Variants in CD244 observed in about 807,000 individuals in gnomAD.
CD244 encodes the protein natural killer cell receptor 2B4.
Under a neutral mutation model 45.5 loss-of-function variants are expected in CD244, and 20 were observed. That is an observed-to-expected ratio of 0.44 (90% CI 0.31 to 0.64). CD244 has a LOEUF of 0.64. Among genes scored for constraint, CD244 ranks in the 30% least tolerant of loss-of-function variants. The pLI is 0.08. For missense variants in CD244, 407 were observed against 426.9 expected (o/e 0.95, Z 0.41); for synonymous variants, 185 against 160.5 (o/e 1.15, Z -1.15).
intron 1 of CD244, among the ~76,000 whole-genome samples, chr1:160,857,318 C>A (rs1247350824): frequency 6.6e-6 from 1 of 152,170 alleles, no homozygotes; most frequent in African/African-American, 2.4e-5. Flanking sequence ...ATATACCCAA[C>A]AGACATGCAT....
intron 1 of CD244, among the ~76,000 whole-genome samples, chr1:160,844,716 C>T (rs992173769): frequency 2.0e-5 from 3 of 152,098 alleles, no homozygotes; most frequent in Non-Finnish European, 2.9e-5. Context: ...GGCTCATGCC[C>T]GTAATTCCAG....
intron 1 of CD244, among the ~76,000 whole-genome samples, chr1:160,844,381 A>T (rs912893519): frequency 1.3e-5 from 2 of 152,214 alleles, no homozygotes; most frequent in Non-Finnish European, 2.9e-5. Context: ...TCAGCAGAGA[A>T]CTAGCGTGAT....
chr1:160,849,182 A>G (rs1356206146), intron 1 of CD244, among the ~76,000 whole-genome samples: 1 of 152,038 alleles, frequency 6.6e-6, no homozygotes, highest in South Asian at 2.1e-4. Flanking sequence ...GAAGTCTTCT[A>G]TGTTGATGAT....
chr1:160,851,447 A>G (rs1185870571), intron 1 of CD244, among the ~76,000 whole-genome samples: 1 of 152,156 alleles, frequency 6.6e-6, no homozygotes, highest in Non-Finnish European at 1.5e-5. Context: ...ACCAACACAT[A>G]CTTGATCTTT....
intron 4 of CD244, 76 bp downstream of exon 4, chr1:160,838,863 T>A: frequency 1.1e-6 from 1 of 946,186 alleles, no homozygotes; most frequent in Non-Finnish European, 1.6e-6. Context: ...CCCAGACACA[T>A]CCCACTGGAC....
At chr1:160,833,166 A>T (rs891958719) in intron 7 of CD244, among the ~76,000 whole-genome samples, 1 of 152,168 alleles carries the variant, frequency 6.6e-6, no homozygotes, top group Non-Finnish European at 1.5e-5. Context: ...AAGCAGGTGA[A>T]CATGGTGCCT....
intron 1 of CD244, among the ~76,000 whole-genome samples, chr1:160,849,669 T>C (rs950270410): frequency 3.3e-5 from 5 of 152,178 alleles, no homozygotes; most frequent in African/African-American, 1.2e-4. Context: ...ATCAACATTG[T>C]ACTGGAGGTC....
At chr1:160,849,297 T>TTTTTGTTTTATTTTAAGTTCTGGGATAC (rs1669839765) in intron 1 of CD244, among the ~76,000 whole-genome samples, 1 of 151,438 alleles carries the variant, frequency 6.6e-6, no homozygotes, top group Non-Finnish European at 1.5e-5. Context: ...TTTTTTTTTT[T>TTTTTGTTTTATTTTAAGTTCTGGGATAC]GTTTTACTTT....
intron 1 of CD244, among the ~76,000 whole-genome samples, chr1:160,853,267 C>T (rs565157338): frequency 5.9e-5 from 9 of 152,132 alleles, no homozygotes; most frequent in African/African-American, 2.2e-4. Flanking sequence ...AAGCTAGACT[C>T]CAAAAAGTAC....
chr1:160,835,339 A>G (rs186095648), intron 6 of CD244, among the ~76,000 whole-genome samples: 1 of 152,304 alleles, frequency 6.6e-6, no homozygotes, highest in Non-Finnish European at 1.5e-5. Flanking sequence ...CTACCTAGCT[A>G]TGTAGCCTTG....
intron 1 of CD244, among the ~76,000 whole-genome samples, chr1:160,846,995 G>T (rs1452128158): frequency 1.3e-5 from 2 of 151,620 alleles, no homozygotes; most frequent in East Asian, 3.9e-4. Flanking sequence ...TACAGAAAAA[G>T]AAATGAGAAG....
chr1:160,862,080 A>G (rs1670330912), intron 1 of CD244, among the ~76,000 whole-genome samples: 1 of 152,074 alleles, frequency 6.6e-6, no homozygotes, highest in Non-Finnish European at 1.5e-5. Context: ...CATGTCCCTA[A>G]TAATTTCCAG....
intron 6 of CD244, 84 bp downstream of exon 6, chr1:160,836,111 G>T: frequency 1.0e-6 from 1 of 978,114 alleles, no homozygotes; most frequent in Admixed American, 1.8e-5. Context: ...ATCTTATTCT[G>T]CCATTCAATG....
intron 1 of CD244, among the ~76,000 whole-genome samples, chr1:160,849,391 C>A (rs1441225821): frequency 6.6e-6 from 1 of 151,398 alleles, no homozygotes; most frequent in African/African-American, 2.4e-5. Flanking sequence ...CCTATCAACC[C>A]ATCATCTAGG....
intron 1 of CD244, among the ~76,000 whole-genome samples, chr1:160,851,376 A>G (rs1016550586): frequency 5.3e-5 from 8 of 152,326 alleles, no homozygotes; most frequent in African/African-American, 1.9e-4. Flanking sequence ...TAAAAATTTT[A>G]GGAATTGTAT....
chr1:160,846,588 C>T (rs1669749167), intron 1 of CD244, among the ~76,000 whole-genome samples: 1 of 152,104 alleles, frequency 6.6e-6, no homozygotes, highest in South Asian at 2.1e-4. Flanking sequence ...ATCACTTGAA[C>T]CCAGGAAGTC....
At position 160,841,882 on chromosome 1, in the gene CD244, G is replaced by T. The variant is rs371837392; in HGVS notation, c.81C>A (p.Asp27Glu). 3.2e-5 allele frequency: 52 copies of T among 1,614,000 alleles called. No homozygotes were observed. Among genetic ancestry groups the T allele is most frequent in the Non-Finnish European group, 4.2e-5 (49 of 1,179,948 alleles). Residue 27 changes from aspartate to glutamate, a missense_variant, in exon 2 of 9, where the codon GAC becomes GAA. Physicochemically the swap from Asp to Glu is conservative, Grantham distance 45. Coordinates refer to ENST00000368034, the MANE Select transcript of CD244 (RefSeq NM_016382.4). Reference protein sequence around the residue: ...YQGKGCQGSADHVVSISGVPL... With the variant: ...YQGKGCQGSAEHVVSISGVPL... Reference sequence around the variant, plus strand: ...GCACTCCCGAGATGCTAACCACATGGTCAGCTGATCCCTGGCATCCTAGGA... The same window carrying T: ...GCACTCCCGAGATGCTAACCACATGTTCAGCTGATCCCTGGCATCCTAGGA...
chr1:160,854,887 A>T (rs773872308), intron 1 of CD244, among the ~76,000 whole-genome samples: 1 of 152,206 alleles, frequency 6.6e-6, no homozygotes, highest in African/African-American at 2.4e-5. Context: ...TTCAACTGGA[A>T]GGAAACTGTA....
chr1:160,857,544 G>A (rs1016683650), intron 1 of CD244, among the ~76,000 whole-genome samples: 1 of 152,224 alleles, frequency 6.6e-6, no homozygotes, highest in African/African-American at 2.4e-5. Flanking sequence ...CATACCGTTT[G>A]ATTCCATATA....
Sources: allele counts gnomAD v4.1 joint callset (sites outside exome capture counted in the v4.1 genomes callset), GRCh38; gene constraint gnomAD v4.1.1; transcripts MANE v1.5; gene names NCBI Gene and HGNC (gene_info 2026-07-23, HGNC 2026-07-21).